Variants in NHS observed in about 807,000 individuals in gnomAD.
NHS encodes the protein NHS actin remodeling regulator.
NHS carries 5 observed loss-of-function variants against 72.5 expected under a neutral mutation model. The observed-to-expected ratio is 0.07, with a 90% confidence interval of 0.04 to 0.14. The LOEUF is 0.14. NHS is among the 10% of genes least tolerant of loss of function. The pLI, the probability that NHS is intolerant of heterozygous loss-of-function variation, is 1.00. For missense variants in NHS, 1,072 were observed against 1,355.7 expected (o/e 0.79, Z 3.29); for synonymous variants, 464 against 547.7 (o/e 0.85, Z 2.13).
chrX:17,412,751 C>G (rs1031671352), intron 1 of NHS, among the ~76,000 whole-genome samples: 1 of 112,629 alleles, frequency 8.9e-6, no homozygotes, highest in East Asian at 2.8e-4. Context: ...CAAACTTGAA[C>G]AATGTTTGCA....
chrX:17,480,716 C>T (rs944322975), intron 1 of NHS, among the ~76,000 whole-genome samples: 4 of 111,891 alleles, frequency 3.6e-5, no homozygotes, highest in Admixed American at 9.5e-5. Context: ...CCATATTAGC[C>T]TGTGCATCTC....
Position 17,733,242 on chromosome X carries a change from A to AAC in NHS, c.*779_*780dup, listed in dbSNP as rs1369732483. 8.9e-6 allele frequency: 1 copy of AAC among 112,307 alleles called. No homozygotes were observed. Among genetic ancestry groups the AAC allele is most frequent in the Non-Finnish European group, 1.9e-5 (1 of 53,234 alleles). 9.3% of individuals were successfully genotyped at this position (112,307 alleles called of 1,213,427 possible). On this transcript the variant is annotated 3_prime_UTR_variant, in exon 9 of 9. Transcript: ENST00000676302. ...TTGCAGCACCAAACAAACTAATAGC[A>AAC]ACCCATGGCTGTGATTTGTTGTGTG...
intron 1 of NHS, among the ~76,000 whole-genome samples, chrX:17,494,442 T>C (rs954250274): frequency 1.8e-5 from 2 of 112,265 alleles, no homozygotes; most frequent in Non-Finnish European, 3.8e-5. Flanking sequence ...ATGACATTTG[T>C]TCATTTTTCA....
intron 1 of NHS, among the ~76,000 whole-genome samples, chrX:17,554,699 G>A (rs2065358208): frequency 1.8e-5 from 2 of 112,029 alleles, no homozygotes; most frequent in African/African-American, 3.2e-5. Flanking sequence ...TCACTGACCC[G>A]TATATGTTGA....
Position 17,733,037 on chromosome X carries a change from A to C in NHS, c.*573A>C, listed in dbSNP as rs1403972229. ...CACAAAAATAAAATGTAATAACTGT[A>C]TTCTGTGAATACCATTTTCATATCA... On this transcript the variant is annotated 3_prime_UTR_variant, in exon 9 of 9. Transcript: ENST00000676302. 1 of 116,371 alleles carries C rather than the reference A, an allele frequency of 8.6e-6. No individual in the cohort carries two copies. The highest frequency in any genetic ancestry group is 3.2e-5 in the African/African-American group (1 of 30,995). 9.6% of individuals were successfully genotyped at this position (116,371 alleles called of 1,213,427 possible).
chrX:17,450,272 G>T (rs1345815655), intron 1 of NHS, among the ~76,000 whole-genome samples: 2 of 111,434 alleles, frequency 1.8e-5, no homozygotes, highest in East Asian at 2.8e-4. Flanking sequence ...CTAATTTTTT[G>T]TAGGTTTTAT....
At chrX:17,540,921 A>C (rs1455039118) in intron 1 of NHS, among the ~76,000 whole-genome samples, 1 of 111,232 alleles carries the variant, frequency 9.0e-6, no homozygotes, top group Non-Finnish European at 1.9e-5. Context: ...CTCTACAAAA[A>C]ATTAGCTGGG....
At chrX:17,517,710 AAGAAG>A (rs1382815346) in intron 1 of NHS, among the ~76,000 whole-genome samples, 1 of 111,953 alleles carries the variant, frequency 8.9e-6, no homozygotes, top group African/African-American at 3.3e-5. Flanking sequence ...ACCAGAGAGA[AAGAAG>A]AGGAGGATTT....
chrX:17,531,119 C>T (rs2065196272), intron 1 of NHS, among the ~76,000 whole-genome samples: 1 of 111,356 alleles, frequency 9.0e-6, no homozygotes, highest in Admixed American at 9.5e-5. Context: ...GCTACCCTTG[C>T]CCCCTGCCTC....
intron 1 of NHS, among the ~76,000 whole-genome samples, chrX:17,652,625 A>G (rs1331143543): frequency 9.0e-6 from 1 of 111,698 alleles, no homozygotes; most frequent in Non-Finnish European, 1.9e-5. Flanking sequence ...TGAATTTAAA[A>G]AATTACAGCT....
chrX:17,687,988 CTTA>C, intron 2 of NHS, 94 bp downstream of exon 2: 1 of 967,695 alleles, frequency 1.0e-6, no homozygotes. Flanking sequence ...AACACACCCC[CTTA>C]TTATAGCAAG....
intron 1 of NHS, among the ~76,000 whole-genome samples, chrX:17,438,914 C>T (rs1291713557): frequency 1.8e-5 from 2 of 109,799 alleles, no homozygotes; most frequent in African/African-American, 6.6e-5. Context: ...CTTCTCTAGA[C>T]CCAGGGAAGG....
At chrX:17,692,574 G>A in intron 3 of NHS, 106 bp downstream of exon 3, 1 of 1,027,387 alleles carries the variant, frequency 9.7e-7, no homozygotes, top group Admixed American at 2.3e-5. Flanking sequence ...GGCTGGCTAA[G>A]AGCTCAAATC....
In NHS at chrX:17,609,983, C is replaced by T. The variant is rs145872500; in HGVS notation, c.566-77759C>T. 1.8e-3 allele frequency among the ~76,000 whole-genome samples: 197 copies of T among 111,901 alleles called. 2 individuals carry two copies. The highest frequency in any genetic ancestry group is 2.5e-3 in the Admixed American group (26 of 10,567). On this transcript the variant is annotated intron_variant, in intron 1 of 8. Transcript: ENST00000676302. ...AGCTTTAGACAGGAGACTTTTGAGA[C>T]GCTTGGTCCAGGAGGTAATTGGAAG...
At chrX:17,489,902 G>A (rs111784695) in intron 1 of NHS, among the ~76,000 whole-genome samples, 3 of 112,030 alleles carry the variant, frequency 2.7e-5, no homozygotes, top group East Asian at 2.8e-4. Context: ...TTTTTAATAT[G>A]TTTGTTGGCC....
chrX:17,422,637 A>G (rs1161981267), intron 1 of NHS, among the ~76,000 whole-genome samples: 3 of 111,679 alleles, frequency 2.7e-5, no homozygotes, highest in Non-Finnish European at 5.6e-5. Flanking sequence ...CAGTTATGAC[A>G]CCAAAAATGT....
chrX:17,472,413 C>A (rs1476250103), intron 1 of NHS, among the ~76,000 whole-genome samples: 3 of 110,675 alleles, frequency 2.7e-5, no homozygotes, highest in African/African-American at 9.9e-5. Flanking sequence ...TCTGTAGTGC[C>A]CTGTTAAAGA....
At chrX:17,712,290 TACACACACACACACACAC>T (rs1308908423) in intron 3 of NHS, among the ~76,000 whole-genome samples, 3 of 52,988 alleles carry the variant, frequency 5.7e-5, no homozygotes, top group African/African-American at 1.5e-4. Flanking sequence ...TATATATATA[TACACACACACACACACAC>T]ACATATATAT....
chrX:17,385,691 C>G (rs192362718), intron 1 of NHS, among the ~76,000 whole-genome samples: 25 of 111,504 alleles, frequency 2.2e-4, no homozygotes, highest in Admixed American at 2.1e-3. Flanking sequence ...CACCTTTTAC[C>G]CATATGGTAG....
Sources: gnomAD v4.1 joint callset for allele counts (sites outside exome capture counted in the v4.1 genomes callset) on GRCh38, gnomAD v4.1.1 for gene constraint, MANE v1.5 for transcripts, NCBI Gene and HGNC (gene_info 2026-07-23, HGNC 2026-07-21) for gene names.